FAM76A: variants seen among roughly 807,000 people sequenced by gnomAD.
FAM76A encodes family with sequence similarity 76 member A.
In FAM76A, 32 loss-of-function variants were observed where a neutral mutation model predicts 46.2. That is an observed-to-expected ratio of 0.69 (90% CI 0.52 to 0.93). The LOEUF (loss-of-function observed/expected upper bound fraction) is 0.93. Ranked by LOEUF, FAM76A falls within the 40% of genes least tolerant of loss-of-function variation. FAM76A has a pLI of 0.00. For synonymous variants in FAM76A, 137 were observed against 127.0 expected (o/e 1.08, Z -0.53); for missense variants, 274 against 361.5 (o/e 0.76, Z 1.96).
At position 27,733,451 on chromosome 1, in the gene FAM76A, T is replaced by C. The variant is rs928986694; in HGVS notation, c.202-580T>C. Among the ~76,000 whole-genome samples, 118 of 152,248 alleles carry C rather than the reference T, an allele frequency of 7.8e-4. 3 individuals carry two copies. Among genetic ancestry groups the C allele is most frequent in the Admixed American group, 9.2e-4 (14 of 15,280 alleles). ...AGAGCTGGTTCTGTTGCATGTCTCA[T>C]AGAAGTCTCTGCATACATACTAATG... On this transcript the variant is annotated intron_variant, in intron 3 of 8. Coordinates refer to ENST00000373954, the MANE Select transcript of FAM76A (RefSeq NM_152660.3).
chr1:27,746,405 G>A (rs1031063321), intron 5 of FAM76A, among the ~76,000 whole-genome samples: 4 of 152,078 alleles, frequency 2.6e-5, no homozygotes, highest in Non-Finnish European at 5.9e-5. Flanking sequence ...TAGAAGAGAG[G>A]TTTGGACATG....
At chr1:27,755,366 T>G (rs970692886) in intron 7 of FAM76A, 36 bp downstream of exon 7, 4 of 1,611,702 alleles carry the variant, frequency 2.5e-6, no homozygotes, top group Non-Finnish European at 2.5e-6. Flanking sequence ...ACCAGAATGA[T>G]GCGAGGGTGA....
intron 2 of FAM76A, among the ~76,000 whole-genome samples, chr1:27,727,800 A>ATTTTTT (rs10716346): frequency 1.1e-4 from 7 of 64,536 alleles, no homozygotes; most frequent in Non-Finnish European, 1.8e-4. Flanking sequence ...GATTGCTTAA[A>ATTTTTT]TTTTTTTTTT....
intron 6 of FAM76A, among the ~76,000 whole-genome samples, chr1:27,750,182 AC>A (rs999527018): frequency 2.2e-4 from 34 of 152,332 alleles, no homozygotes; most frequent in African/African-American, 7.7e-4. Flanking sequence ...ATAGGAGCAG[AC>A]CAGCATATAG....
rs555134290 is a variant in FAM76A at position 27,729,234 on chromosome 1, GTC to G, written c.146+1706_146+1707del. Among the ~76,000 whole-genome samples, 463 of 151,168 alleles carry G rather than the reference GTC, an allele frequency of 3.1e-3. 4 individuals carry two copies. The highest frequency in any genetic ancestry group is 0.011 in the African/African-American group (442 of 41,172). On this transcript the variant is annotated intron_variant, in intron 2 of 8. Coordinates refer to ENST00000373954, the MANE Select transcript of FAM76A (RefSeq NM_152660.3). Reference sequence around the variant, plus strand: ...TTTTTTTTTTCTTTTATGAGACAGGGTCTCTCTCTGTCACCCAAGCTGGAGTG... The same window carrying G: ...TTTTTTTTTTCTTTTATGAGACAGGGTCTCTCTGTCACCCAAGCTGGAGTG...
Position 27,753,375 on chromosome 1 carries a change from ACT to A in FAM76A, c.600-1817_600-1816del, listed in dbSNP as rs767746480. The stretch of plus-strand genomic sequence containing the variant: ...TTACTCTAGTTATGGGTTTAAATAG[ACT>A]CTATTCAGTTGAAGAAAGACAGGTC... On this transcript the variant is annotated intron_variant, in intron 6 of 8. Coordinates refer to ENST00000373954, the MANE Select transcript of FAM76A (RefSeq NM_152660.3). Among the ~76,000 whole-genome samples, 5 of 152,238 alleles carry A rather than the reference ACT, an allele frequency of 3.3e-5. No individual in the cohort carries two copies. In the East Asian group the frequency reaches 5.8e-4, roughly 18 times the overall value.
chr1:27,750,044 T>G (rs1179035692), intron 6 of FAM76A, among the ~76,000 whole-genome samples: 2 of 152,090 alleles, frequency 1.3e-5, no homozygotes, highest in African/African-American at 4.8e-5. Context: ...GACCAACCAT[T>G]TTTCTGTTCC....
intron 3 of FAM76A, among the ~76,000 whole-genome samples, chr1:27,733,828 C>CA: frequency 6.6e-6 from 1 of 151,732 alleles, no homozygotes; most frequent in South Asian, 2.1e-4. Flanking sequence ...CCAGCCTGGG[C>CA]AACAGAGCGA....
chr1:27,749,418 A>G (rs2088298022), intron 6 of FAM76A, among the ~76,000 whole-genome samples: 1 of 152,216 alleles, frequency 6.6e-6, no homozygotes, highest in Non-Finnish European at 1.5e-5. Context: ...CTCAGGCTGG[A>G]GTGCAGTGGC....
intron 6 of FAM76A, among the ~76,000 whole-genome samples, chr1:27,753,822 G>A (rs905431705): frequency 6.6e-6 from 1 of 152,204 alleles, no homozygotes; most frequent in African/African-American, 2.4e-5. Context: ...TATATAGGGA[G>A]TTGAGAATGA....
chr1:27,743,693 AG>A (rs1179174820), intron 4 of FAM76A, among the ~76,000 whole-genome samples: 2 of 152,004 alleles, frequency 1.3e-5, no homozygotes, highest in Non-Finnish European at 2.9e-5. Flanking sequence ...TGAGTCCAGG[AG>A]GTGGAGGTTG....
intron 4 of FAM76A, chr1:27,739,264 T>G: frequency 1.9e-6 from 1 of 514,800 alleles, no homozygotes; most frequent in Non-Finnish European, 4.0e-6. Context: ...GGATGTGTGT[T>G]CGCCTACTGC....
chr1:27,743,554 A>G (rs1042387641), intron 4 of FAM76A, among the ~76,000 whole-genome samples: 7 of 152,180 alleles, frequency 4.6e-5, no homozygotes, highest in Admixed American at 1.3e-4. Context: ...ACTTGAGCTC[A>G]GGAGTTCAAG....
intron 5 of FAM76A, 62 bp from the exon 6 acceptor site, chr1:27,749,006 A>G (rs2088291399): frequency 9.0e-7 from 1 of 1,112,998 alleles, no homozygotes; most frequent in Admixed American, 2.3e-5. Context: ...ACAGACTTTC[A>G]TTGTGATGTT....
intron 6 of FAM76A, 36 bp from the exon 7 acceptor site, chr1:27,755,159 C>A: frequency 1.2e-6 from 2 of 1,611,022 alleles, no homozygotes; most frequent in Non-Finnish European, 1.7e-6. Flanking sequence ...TTTATCCATC[C>A]AAGTTAAAAT....
chr1:27,743,182 G>A (rs370232325), intron 4 of FAM76A, among the ~76,000 whole-genome samples: 43 of 152,066 alleles, frequency 2.8e-4, no homozygotes, highest in African/African-American at 8.7e-4. Context: ...AAAGGGTCTC[G>A]CTCTGTCACC....
At chr1:27,744,303 AT>A (rs2148577670) in intron 4 of FAM76A, among the ~76,000 whole-genome samples, 1 of 152,030 alleles carries the variant, frequency 6.6e-6, no homozygotes, top group South Asian at 2.1e-4. Context: ...TAATTTTTGT[AT>A]TTTTAGTAGA....
At chr1:27,733,849 A>C (rs1039732153) in intron 3 of FAM76A, among the ~76,000 whole-genome samples, 182 bp from the exon 4 acceptor site, 6 of 152,132 alleles carry the variant, frequency 3.9e-5, no homozygotes, top group Non-Finnish European at 8.8e-5. Context: ...GACTCAAAAA[A>C]CAAAAACAAC....
chr1:27,760,598 T>A lies in FAM76A; in HGVS notation c.*17T>A, dbSNP rs368709412. On this transcript the variant is annotated 3_prime_UTR_variant, in exon 9 of 9. Coordinates refer to ENST00000373954, the MANE Select transcript of FAM76A (RefSeq NM_152660.3). ...TCTCCATGACAGACCTCAAGGAGGC[T>A]CCCTAGCAACAGCAAATGGAGTTGT... is the stretch of plus-strand genomic sequence containing the variant. The A allele has an allele frequency of 4.3e-5, 68 of 1,590,750 alleles. No homozygotes were observed. The highest frequency in any genetic ancestry group is 3.4e-4 in the Middle Eastern group (2 of 5,948).
Sources: allele counts gnomAD v4.1 joint callset (sites outside exome capture counted in the v4.1 genomes callset), GRCh38; gene constraint gnomAD v4.1.1; transcripts MANE v1.5; gene names NCBI Gene and HGNC (gene_info 2026-07-23, HGNC 2026-07-21).